Variants in HMCN1 observed in about 807,000 individuals in gnomAD.
HMCN1 encodes the protein hemicentin-1.
HMCN1 carries 321 observed loss-of-function variants against 625.9 expected under a neutral mutation model. That is an observed-to-expected ratio of 0.51 (90% CI 0.47 to 0.56). HMCN1 has a LOEUF of 0.56. Ranked by LOEUF, HMCN1 falls within the 20% of genes least tolerant of loss-of-function variation. The pLI is 0.00. For synonymous variants in HMCN1, 2,425 were observed against 2,417.6 expected, an observed-to-expected ratio of 1.00 and a Z score of -0.09; for missense variants, 6,588 against 6,887.3, an observed-to-expected ratio of 0.96 and a Z score of 1.54.
chr1:185,863,405 C>T (rs1011070627), intron 2 of HMCN1, among the ~76,000 whole-genome samples: 7 of 152,148 alleles, frequency 4.6e-5, no homozygotes, highest in Non-Finnish European at 7.3e-5. Context: ...ATAGTTATTG[C>T]TATCAGTTTG....
chr1:185,780,685 A>G (rs538413293), intron 1 of HMCN1, among the ~76,000 whole-genome samples: 5 of 152,186 alleles, frequency 3.3e-5, no homozygotes, highest in Non-Finnish European at 2.9e-5. Context: ...GCCTTGCATC[A>G]CAGGGATGAA....
At chr1:185,990,234 T>C in intron 21 of HMCN1, 41 bp from the exon 22 acceptor site, 2 of 1,571,054 alleles carry the variant, frequency 1.3e-6, no homozygotes, top group Non-Finnish European at 1.8e-6. Flanking sequence ...TGCTTTGTTT[T>C]CAATATACTG....
At chr1:185,751,931 C>T (rs1654841812) in intron 1 of HMCN1, among the ~76,000 whole-genome samples, 1 of 151,856 alleles carries the variant, frequency 6.6e-6, no homozygotes, top group African/African-American at 2.4e-5. Flanking sequence ...GGTGCAAATT[C>T]TCCCATCTAT....
intron 102 of HMCN1, 42 bp from the exon 103 acceptor site, chr1:186,174,472 T>C (rs200546368): frequency 2.4e-4 from 393 of 1,611,494 alleles, no homozygotes; most frequent in Admixed American, 1.4e-3. Context: ...ACTTTGGGTT[T>C]GAAAGAGGAA....
At chr1:185,791,451 G>A (rs904016665) in intron 1 of HMCN1, among the ~76,000 whole-genome samples, 4 of 152,070 alleles carry the variant, frequency 2.6e-5, no homozygotes, top group African/African-American at 7.2e-5. Context: ...TGGGCACGGC[G>A]GCTGACAATT....
rs2102557908 is a variant in HMCN1, at chr1:185,962,610, C to T, written c.1921C>T (p.Pro641Ser). 1 of 1,589,004 alleles carries T rather than the reference C, an allele frequency of 6.3e-7. No homozygotes were observed. The highest frequency in any genetic ancestry group is 8.6e-7 in the Non-Finnish European group (1 of 1,157,202). The change falls in exon 12 of 107, where the codon CCA (proline) becomes TCA (serine). Residue 641 changes from proline to serine, a missense_variant. Transcript: ENST00000271588. ...IMCSATGYPK[P>S]KIAWTVNDMF... ...GTGTTCTGCAACAGGTTATCCCAAA[C>T]CAAAGATTGCCTGGACCGTTAACGA...
chr1:186,094,653 C>A (rs767745368), intron 67 of HMCN1, among the ~76,000 whole-genome samples: 27 of 152,078 alleles, frequency 1.8e-4, no homozygotes, highest in Non-Finnish European at 3.1e-4. Context: ...CCAGTCTTTT[C>A]ATGTAAAGAA....
intron 22 of HMCN1, 152 bp downstream of exon 22, chr1:185,990,595 A>T (rs1652359126): frequency 1.1e-5 from 8 of 703,876 alleles, no homozygotes; most frequent in Non-Finnish European, 1.5e-5. Flanking sequence ...GGAAGTATTT[A>T]TAACACTGAA....
chr1:185,788,304 G>A (rs1324330804), intron 1 of HMCN1, among the ~76,000 whole-genome samples: 2 of 152,146 alleles, frequency 1.3e-5, no homozygotes, highest in East Asian at 3.9e-4. Flanking sequence ...ACATATGTAA[G>A]GTGTTATGCC....
Position 186,007,225 on chromosome 1 carries a change from T to A in HMCN1, c.4573T>A (p.Cys1525Ser). The A allele has an allele frequency of 6.2e-7, 1 of 1,613,682 alleles. No homozygotes were observed. Among genetic ancestry groups the A allele is most frequent in the Non-Finnish European group, 8.5e-7 (1 of 1,179,702 alleles). ...GAGAAATGACAAGGGGCGCTACCAA[T>A]GTACTGTGTCTAATGCAGCTGGCAA... ...ARRNDKGRYQ[C>S]TVSNAAGKQA... The change falls in exon 30 of 107, where the codon TGT (cysteine) becomes AGT (serine). Residue 1525 changes from cysteine to serine, a missense_variant. Physicochemically the swap from Cys to Ser is moderately radical, Grantham distance 112. Transcript: ENST00000271588.
At chr1:185,940,380 C>G (rs1271588262) in intron 11 of HMCN1, among the ~76,000 whole-genome samples, 2 of 152,094 alleles carry the variant, frequency 1.3e-5, no homozygotes, top group African/African-American at 4.8e-5. Context: ...AAAAAACTGT[C>G]ATGGCTAAGT....
At chr1:186,164,570 C>T (rs1294020665) in intron 97 of HMCN1, among the ~76,000 whole-genome samples, 1 of 152,150 alleles carries the variant, frequency 6.6e-6, no homozygotes, top group Non-Finnish European at 1.5e-5. Context: ...TCACAATATG[C>T]CTGTTTCCCC....
At chr1:185,981,134 T>A (rs1195265941) in intron 17 of HMCN1, 61 bp downstream of exon 17, 1 of 988,300 alleles carries the variant, frequency 1.0e-6, no homozygotes, top group East Asian at 2.4e-5. Context: ...TCTTTTACTA[T>A]GTCATCTCTT....
At chr1:185,840,400 T>C (rs1661406419) in intron 1 of HMCN1, among the ~76,000 whole-genome samples, 1 of 152,206 alleles carries the variant, frequency 6.6e-6, no homozygotes, top group Admixed American at 6.5e-5. Context: ...AGTAGAATTT[T>C]TAGAAAGTGG....
chr1:185,959,043 A>G (rs2102550566), intron 11 of HMCN1, among the ~76,000 whole-genome samples: 1 of 152,304 alleles, frequency 6.6e-6, no homozygotes. Context: ...TACTCAGTAA[A>G]TGTTTGTTGG....
intron 36 of HMCN1, among the ~76,000 whole-genome samples, chr1:186,025,652 C>T (rs1655014642): frequency 6.6e-6 from 1 of 152,106 alleles, no homozygotes; most frequent in Non-Finnish European, 1.5e-5. Flanking sequence ...CCTAAGAAGG[C>T]ACAAGTCTCT....
intron 9 of HMCN1, 27 bp downstream of exon 9, chr1:185,925,218 A>T: frequency 6.3e-7 from 1 of 1,594,688 alleles, no homozygotes; most frequent in Non-Finnish European, 8.6e-7. Flanking sequence ...GTCAGTAATA[A>T]GATTCAGCAT....
rs138847326 is a variant in HMCN1 at position 185,893,080 on chromosome 1, C to T, written c.622-16257C>T. On this transcript the variant is annotated intron_variant, in intron 4 of 106. Coordinates refer to ENST00000271588, the MANE Select transcript of HMCN1 (RefSeq NM_031935.3). ...TGCAAGTGACCCGATTTTCCAGGTGCCGTCCGTTACCCCTTTCTTTGATTA... is the reference window on the plus strand; with the variant it reads ...TGCAAGTGACCCGATTTTCCAGGTGTCGTCCGTTACCCCTTTCTTTGATTA... Among the ~76,000 whole-genome samples, 501 of 152,330 alleles carry T rather than the reference C, an allele frequency of 3.3e-3. 1 individual carries two copies. Among genetic ancestry groups the T allele is most frequent in the Non-Finnish European group, 5.2e-3 (356 of 68,038 alleles).
intron 36 of HMCN1, among the ~76,000 whole-genome samples, chr1:186,030,316 T>C (rs1655338432): frequency 6.6e-6 from 1 of 152,132 alleles, no homozygotes; most frequent in South Asian, 2.1e-4. Context: ...AGTTTTATTG[T>C]CTATTTCTCC....
Sources: gnomAD v4.1 joint callset for allele counts (sites outside exome capture counted in the v4.1 genomes callset) on GRCh38, gnomAD v4.1.1 for gene constraint, MANE v1.5 for transcripts, NCBI Gene and HGNC (gene_info 2026-07-23, HGNC 2026-07-21) for gene names.